Variants in INPP4B observed in about 807,000 individuals in gnomAD.
The protein encoded by INPP4B is inositol polyphosphate 4-phosphatase type II.
In INPP4B, 55 loss-of-function variants were observed where a neutral mutation model predicts 122.5. The observed-to-expected ratio is 0.45, with a 90% CI of 0.36 to 0.56. The LOEUF is 0.56. Among genes scored for constraint, INPP4B ranks in the 20% least tolerant of loss-of-function variants. INPP4B has a pLI of 0.00. For missense variants in INPP4B, 1,000 were observed against 1,097.7 expected, an observed-to-expected ratio of 0.91 and a Z score of 1.26; for synonymous variants, 403 against 388.7, an observed-to-expected ratio of 1.04 and a Z score of -0.43.
intron 2 of INPP4B, among the ~76,000 whole-genome samples, chr4:142,550,025 T>C (rs1391858372): frequency 6.6e-6 from 1 of 152,112 alleles, no homozygotes; most frequent in Non-Finnish European, 1.5e-5. Context: ...GTTGGTGAAT[T>C]TTCACTGTCA....
At chr4:142,234,998 C>T (rs1856087006) in intron 12 of INPP4B, among the ~76,000 whole-genome samples, 1 of 152,174 alleles carries the variant, frequency 6.6e-6, no homozygotes, top group African/African-American at 2.4e-5. Context: ...GCTATGCCTA[C>T]AAAAATTCAA....
chr4:142,658,759 G>A (rs764744198), intron 2 of INPP4B, among the ~76,000 whole-genome samples: 1 of 152,056 alleles, frequency 6.6e-6, no homozygotes, highest in Non-Finnish European at 1.5e-5. Context: ...AAGCCCAGTG[G>A]GGAAACTGGT....
chr4:142,157,013 T>C (rs936252819), intron 17 of INPP4B, among the ~76,000 whole-genome samples: 2 of 152,138 alleles, frequency 1.3e-5, no homozygotes, highest in Non-Finnish European at 1.5e-5. Flanking sequence ...GATCAGGGAA[T>C]ATCTTCACAT....
intron 2 of INPP4B, among the ~76,000 whole-genome samples, chr4:142,641,028 C>T (rs545778252): frequency 5.6e-4 from 85 of 152,154 alleles, no homozygotes; most frequent in African/African-American, 2.0e-3. Flanking sequence ...TATCTGCTAA[C>T]GTTGCAGGTA....
Position 142,023,277 on chromosome 4 carries a change from A to G in INPP4B, c.*5505T>C, listed in dbSNP as rs1578649999. On this transcript the variant is annotated 3_prime_UTR_variant, in exon 26 of 26. Transcript: ENST00000262992. ...CTTAAATGCCAACATAAAATGATCT[A>G]TTTATGCCTAGAAAAAATTTCTAGG... 6.6e-6 allele frequency: 1 copy of G among 152,194 alleles called. No homozygotes were observed. The highest frequency in any genetic ancestry group is 1.9e-4 in the East Asian group (1 of 5,194). 9.4% of individuals were successfully genotyped at this position (152,194 alleles called of 1,614,324 possible).
At chr4:142,277,481 A>G (rs1003752781) in intron 9 of INPP4B, among the ~76,000 whole-genome samples, 2 of 151,926 alleles carry the variant, frequency 1.3e-5, no homozygotes, top group African/African-American at 4.8e-5. Context: ...AACAGTGTAG[A>G]AAGAACTAAA....
intron 2 of INPP4B, among the ~76,000 whole-genome samples, chr4:142,528,614 T>A (rs1827215550): frequency 6.6e-6 from 1 of 151,994 alleles, no homozygotes; most frequent in African/African-American, 2.4e-5. Context: ...TAGCAGCAAG[T>A]CACTAGGCCC....
chr4:142,371,223 G>A (rs1331553732), intron 7 of INPP4B, among the ~76,000 whole-genome samples: 1 of 147,254 alleles, frequency 6.8e-6, no homozygotes, highest in Non-Finnish European at 1.5e-5. Context: ...ATATCCAAAT[G>A]CAGAAGAATG....
intron 6 of INPP4B, among the ~76,000 whole-genome samples, chr4:142,403,664 A>T (rs905301688): frequency 1.8e-4 from 28 of 152,180 alleles, no homozygotes; most frequent in Non-Finnish European, 3.5e-4. Flanking sequence ...CTCAGAATTC[A>T]TTTTTAGAGC....
chr4:142,334,147 C>T (rs1163449446), intron 7 of INPP4B, among the ~76,000 whole-genome samples: 2 of 152,106 alleles, frequency 1.3e-5, no homozygotes, highest in African/African-American at 4.8e-5. Flanking sequence ...TAGCATAATG[C>T]CCTCAAGGTT....
At chr4:142,449,713 GA>G (rs1813743817) in intron 3 of INPP4B, among the ~76,000 whole-genome samples, 1 of 148,950 alleles carries the variant, frequency 6.7e-6, no homozygotes, top group African/African-American at 2.5e-5. Flanking sequence ...AAAAAAAAAA[GA>G]AAGTACATTT....
intron 1 of INPP4B, among the ~76,000 whole-genome samples, chr4:142,836,747 A>ACACACACACAC (rs1782831204): frequency 1.0e-5 from 1 of 96,724 alleles, no homozygotes; most frequent in Admixed American, 9.2e-5. Flanking sequence ...CACACACACA[A>ACACACACACAC]GAAATACGAC....
At chr4:142,506,071 A>T (rs916267106) in intron 2 of INPP4B, among the ~76,000 whole-genome samples, 1 of 152,182 alleles carries the variant, frequency 6.6e-6, no homozygotes, top group Non-Finnish European at 1.5e-5. Context: ...ATGAGTGTCG[A>T]AGTTTGTTTT....
chr4:142,318,712 T>C (rs971353049), intron 7 of INPP4B, among the ~76,000 whole-genome samples: 3 of 152,166 alleles, frequency 2.0e-5, no homozygotes, highest in Non-Finnish European at 4.4e-5. Context: ...ATCTTGAATA[T>C]TTTTTAAGGT....
At chr4:142,160,294 G>T (rs1819458744) in intron 17 of INPP4B, 64 bp downstream of exon 17, 5 of 1,090,082 alleles carry the variant, frequency 4.6e-6, no homozygotes, top group South Asian at 3.2e-5. Context: ...AGAGCTATCT[G>T]ATCATTCCTA....
intron 2 of INPP4B, among the ~76,000 whole-genome samples, chr4:142,612,496 G>A (rs892012031): frequency 6.6e-6 from 1 of 152,126 alleles, no homozygotes; most frequent in Non-Finnish European, 1.5e-5. Flanking sequence ...TCACTGTTAT[G>A]AAGGCCAAGA....
At chr4:142,560,575 C>G (rs1021590639) in intron 2 of INPP4B, 1 of 152,108 alleles carries the variant, frequency 6.6e-6, no homozygotes, top group Non-Finnish European at 1.5e-5. Flanking sequence ...AATCTGTGGT[C>G]GAAGGCTGGG....
rs1235042054 is a variant in INPP4B at position 142,208,679 on chromosome 4, A to G, written c.968-150T>C. The stretch of plus-strand genomic sequence containing the variant: ...GAGTTGCTTTTCTTTTACAAATTCA[A>G]TATTTTTAAAAATTGTCTCAATTAT... On this transcript the variant is annotated intron_variant, in intron 13 of 25. Coordinates refer to ENST00000262992, the MANE Select transcript of INPP4B (RefSeq NM_001101669.3). 4 of 552,610 alleles carry G rather than the reference A, an allele frequency of 7.2e-6. No homozygotes were observed. The East Asian group carries it at 1.3e-4, about 18-fold the overall frequency. The allele number at this position is 552,610 out of a possible 1,614,324, so 34.2% of individuals were successfully genotyped here.
intron 9 of INPP4B, among the ~76,000 whole-genome samples, chr4:142,273,214 A>G (rs1383745635): frequency 6.6e-6 from 1 of 152,020 alleles, no homozygotes; most frequent in East Asian, 1.9e-4. Flanking sequence ...GTCTTACACA[A>G]GATAATTACC....
Sources: allele counts gnomAD v4.1 joint callset (sites outside exome capture counted in the v4.1 genomes callset), GRCh38; gene constraint gnomAD v4.1.1; transcripts MANE v1.5; gene names NCBI Gene and HGNC (gene_info 2026-07-23, HGNC 2026-07-21).